Variants in FRMPD4 observed in about 807,000 individuals in gnomAD.
FRMPD4 encodes the protein FERM and PDZ domain containing 4.
In FRMPD4, 22 loss-of-function variants were observed where a neutral mutation model predicts 94.1. The observed-to-expected ratio is 0.23, with a 90% CI of 0.17 to 0.33. FRMPD4 has a LOEUF of 0.33. Ranked by LOEUF, FRMPD4 falls within the 10% of genes least tolerant of loss-of-function variation. The pLI, the probability that FRMPD4 is intolerant of heterozygous loss-of-function variation, is 1.00. For missense variants in FRMPD4, 1,111 were observed against 1,339.9 expected, an observed-to-expected ratio of 0.83 and a Z score of 2.67; for synonymous variants, 631 against 548.6, an observed-to-expected ratio of 1.15 and a Z score of -2.10.
At chrX:12,709,064 C>T (rs1473578194) in intron 13 of FRMPD4, 1 of 113,505 alleles carries the variant, frequency 8.8e-6, no homozygotes, top group African/African-American at 3.2e-5. Context: ...ATTACAGATC[C>T]GATGACAGAG....
At chrX:12,432,610 C>T (rs921586061) in intron 1 of FRMPD4, among the ~76,000 whole-genome samples, 1 of 112,010 alleles carries the variant, frequency 8.9e-6, no homozygotes, top group African/African-American at 3.2e-5. Context: ...AGGCTGTCTT[C>T]GGTTCCTTGC....
At chrX:12,691,621 C>G (rs1051728825) in intron 8 of FRMPD4, among the ~76,000 whole-genome samples, 2 of 111,463 alleles carry the variant, frequency 1.8e-5, no homozygotes, top group Non-Finnish European at 3.8e-5. Context: ...GATCTGAGTT[C>G]CTCCAGAGGC....
chrX:11,929,088 G>A (rs929187146), intron 3 of FRMPD4, among the ~76,000 whole-genome samples: 1 of 112,247 alleles, frequency 8.9e-6, no homozygotes, highest in Admixed American at 9.4e-5. Flanking sequence ...AACAGCACAC[G>A]CTGGGGACTG....
chrX:11,946,285 G>C (rs2054188719), intron 3 of FRMPD4, among the ~76,000 whole-genome samples: 1 of 111,532 alleles, frequency 9.0e-6, no homozygotes, highest in African/African-American at 3.3e-5. Context: ...ACCTAGGGCT[G>C]TTAGGTAATA....
intron 1 of FRMPD4, among the ~76,000 whole-genome samples, chrX:11,840,428 C>A (rs1277663545): frequency 9.1e-6 from 1 of 110,475 alleles, no homozygotes; most frequent in African/African-American, 3.3e-5. Context: ...ACTTGCTAGG[C>A]TGGTATGTTA....
chrX:11,978,760 G>T (rs1000543884), intron 3 of FRMPD4, among the ~76,000 whole-genome samples: 13 of 111,906 alleles, frequency 1.2e-4, no homozygotes, highest in Admixed American at 4.7e-4. Context: ...GAGGACCAAA[G>T]AAAAGAACAT....
At chrX:12,028,461 T>G (rs186397238) in intron 3 of FRMPD4, among the ~76,000 whole-genome samples, 1 of 110,942 alleles carries the variant, frequency 9.0e-6, no homozygotes, top group Non-Finnish European at 1.9e-5. Context: ...TTTGTTACAA[T>G]TCATGAACCT....
intron 1 of FRMPD4, among the ~76,000 whole-genome samples, chrX:12,467,154 A>T (rs1275357046): frequency 4.8e-5 from 5 of 103,977 alleles, no homozygotes; most frequent in African/African-American, 1.7e-4. Flanking sequence ...TTTCATCATG[A>T]CTTCCAAGGC....
chrX:12,457,348 T>C (rs757778007), intron 1 of FRMPD4, among the ~76,000 whole-genome samples: 3 of 111,585 alleles, frequency 2.7e-5, no homozygotes, highest in African/African-American at 9.8e-5. Flanking sequence ...GGTCCTCATG[T>C]TTCTCACTCC....
intron 3 of FRMPD4, among the ~76,000 whole-genome samples, chrX:11,950,196 T>G (rs1331490246): frequency 2.7e-5 from 3 of 112,023 alleles, no homozygotes; most frequent in Non-Finnish European, 3.8e-5. Flanking sequence ...ACTCACTCTG[T>G]CCTGCCACCC....
chrX:12,132,090 T>A lies in FRMPD4; in HGVS notation c.95+254072T>A, dbSNP rs921207560. ...TGAGGGAAGCAAGGAGAGCAGCTAG[T>A]AGGCCATCGCAATTATCCAGGAGAG... is the stretch of plus-strand genomic sequence containing the variant. On this transcript the variant is annotated intron_variant, in intron 3 of 18. Coordinates refer to the FRMPD4 transcript ENST00000640291. Among the ~76,000 whole-genome samples, 4 of 111,652 alleles carry A rather than the reference T, an allele frequency of 3.6e-5. No individual in the cohort carries two copies. The East Asian group carries it at 1.1e-3, about 31-fold the overall frequency.
intron 2 of FRMPD4, among the ~76,000 whole-genome samples, chrX:12,544,074 C>A (rs1423296931): frequency 4.5e-5 from 3 of 66,846 alleles, no homozygotes; most frequent in Non-Finnish European, 8.0e-5. Context: ...CATCACACAC[C>A]GGGGCCTGTT....
chrX:12,050,429 G>A (rs962943613), intron 3 of FRMPD4, among the ~76,000 whole-genome samples: 3 of 111,460 alleles, frequency 2.7e-5, no homozygotes, highest in Non-Finnish European at 5.7e-5. Context: ...TCATATAACC[G>A]AGGTGTGAAT....
intron 1 of FRMPD4, among the ~76,000 whole-genome samples, chrX:12,370,462 C>G (rs974965050): frequency 8.9e-6 from 1 of 112,239 alleles, no homozygotes; most frequent in South Asian, 3.7e-4. Context: ...TGCACTGTCC[C>G]TCTGTGCTTG....
chrX:12,600,484 T>C (rs1191655104), intron 2 of FRMPD4, among the ~76,000 whole-genome samples: 1 of 112,351 alleles, frequency 8.9e-6, no homozygotes, highest in African/African-American at 3.2e-5. Flanking sequence ...ATCAAATAAC[T>C]GTTGTTATGT....
intron 1 of FRMPD4, among the ~76,000 whole-genome samples, chrX:12,256,772 A>G (rs958152847): frequency 8.9e-6 from 1 of 111,964 alleles, no homozygotes; most frequent in African/African-American, 3.2e-5. Flanking sequence ...CCTCTGATTA[A>G]ATATCTGGCT....
intron 1 of FRMPD4, among the ~76,000 whole-genome samples, chrX:12,255,819 G>A (rs1404991415): frequency 9.0e-6 from 1 of 111,731 alleles, no homozygotes; most frequent in Non-Finnish European, 1.9e-5. Flanking sequence ...TACTATAAAT[G>A]GGTGTTGTAC....
At position 11,922,872 on chromosome X, in the gene FRMPD4, T is replaced by C. The variant is rs185942531; in HGVS notation, c.95+44854T>C. Among the ~76,000 whole-genome samples, 480 of 112,771 alleles carry C rather than the reference T, an allele frequency of 4.3e-3. 2 individuals carry two copies. Among genetic ancestry groups the C allele is most frequent in the Middle Eastern group, 9.2e-3 (2 of 217 alleles). ...GTTGGACCTGATCTCTGCAAGGTGG[T>C]CTTGCACATCAGATGGGGCAGGTCT... On this transcript the variant is annotated intron_variant, in intron 3 of 18. Coordinates refer to the FRMPD4 transcript ENST00000640291.
At chrX:11,901,785 T>C (rs1439243835) in intron 3 of FRMPD4, among the ~76,000 whole-genome samples, 1 of 111,811 alleles carries the variant, frequency 8.9e-6, no homozygotes, top group Non-Finnish European at 1.9e-5. Flanking sequence ...TTTTTAATTA[T>C]GGCCTTTCTT....
Sources: gnomAD v4.1 joint callset for allele counts (sites outside exome capture counted in the v4.1 genomes callset) on GRCh38, gnomAD v4.1.1 for gene constraint, MANE v1.5 for transcripts, NCBI Gene and HGNC (gene_info 2026-07-23, HGNC 2026-07-21) for gene names.